Variants in SH3RF1 observed in about 807,000 individuals in gnomAD.
SH3RF1 encodes SH3 domain containing ring finger 1.
In SH3RF1, 32 loss-of-function variants were observed where a neutral mutation model predicts 74.0. That is an observed-to-expected ratio of 0.43 (90% CI 0.33 to 0.58). SH3RF1 has a LOEUF of 0.58. Ranked by LOEUF, SH3RF1 falls within the 20% of genes least tolerant of loss-of-function variation. The pLI is 0.05. For missense variants in SH3RF1, 954 were observed against 1,130.9 expected (o/e 0.84, Z 2.24); for synonymous variants, 396 against 439.6 (o/e 0.90, Z 1.24).
chr4:169,209,947 A>G (rs745707077), intron 2 of SH3RF1, among the ~76,000 whole-genome samples: 13 of 151,458 alleles, frequency 8.6e-5, no homozygotes, highest in Non-Finnish European at 1.9e-4. Context: ...GCATCACCAC[A>G]CCCAGTTAAT....
Position 169,154,850 on chromosome 4 carries a change from C to A in SH3RF1, c.765+630G>T, listed in dbSNP as rs567092675. ...AATGAAAATCTACTATGAATTGTAA[C>A]TCCTTTATGTTCAGCTTGTATTATT... On this transcript the variant is annotated intron_variant, in intron 4 of 11. Transcript: ENST00000284637. Among the ~76,000 whole-genome samples the A allele has an allele frequency of 7.9e-5, 12 of 152,262 alleles. No individual in the cohort carries two copies. The South Asian group carries it at 2.3e-3, about 29-fold the overall frequency.
intron 2 of SH3RF1, chr4:169,167,039 C>A: frequency 4.6e-6 from 1 of 215,724 alleles, no homozygotes; most frequent in South Asian, 8.2e-5. Context: ...AAATCAAAGC[C>A]ATTCCTCAGC....
intron 2 of SH3RF1, chr4:169,217,353 G>C (rs9790493): frequency 0.2 from 29,841 of 152,156 alleles, 3,154 homozygotes; most frequent in Non-Finnish European, 0.25. Context: ...CCAACGAGCA[G>C]AACACCAAAG....
intron 2 of SH3RF1, among the ~76,000 whole-genome samples, chr4:169,174,650 C>A (rs1203657170): frequency 1.3e-5 from 2 of 152,124 alleles, no homozygotes; most frequent in African/African-American, 4.8e-5. Context: ...TCATCTATTT[C>A]CTTCTTTTAA....
intron 2 of SH3RF1, among the ~76,000 whole-genome samples, chr4:169,159,401 AAG>A (rs1228667757): frequency 1.3e-5 from 2 of 152,186 alleles, no homozygotes; most frequent in Non-Finnish European, 2.9e-5. Context: ...GAGAGAGAGA[AAG>A]AGAGAGAACT....
rs1364402042 is a variant in SH3RF1, at chr4:169,155,594, A to G, written c.670-19T>C. Reference sequence around the variant, plus strand: ...CATCATCCTGAAGAAACAGCAAATCATTAATCTACCTGATCATTAAGCTGT... The same window carrying G: ...CATCATCCTGAAGAAACAGCAAATCGTTAATCTACCTGATCATTAAGCTGT... On this transcript the variant is annotated intron_variant, in intron 3 of 11. Transcript: ENST00000284637. 2 of 1,545,708 alleles carry G rather than the reference A, an allele frequency of 1.3e-6. No homozygotes were observed. Among genetic ancestry groups the G allele is most frequent in the African/African-American group, 1.4e-5 (1 of 73,546 alleles).
chr4:169,141,064 C>T (rs928734872), intron 4 of SH3RF1, among the ~76,000 whole-genome samples: 2 of 150,834 alleles, frequency 1.3e-5, no homozygotes, highest in African/African-American at 4.9e-5. Context: ...ATTCTTCTTC[C>T]AATGTGATCC....
At position 169,130,038 on chromosome 4, in the gene SH3RF1, A is replaced by G; in HGVS notation, c.1179+8T>C. The G allele has an allele frequency of 6.2e-7, 1 of 1,609,082 alleles. No individual in the cohort carries two copies. The highest frequency in any genetic ancestry group is 8.5e-7 in the Non-Finnish European group (1 of 1,176,016). ...AAGAGAAATAAAAATGGGAGAAACT[A>G]TACTCACTCCAAGGGCAGCTTGGTA... On this transcript the variant is annotated splice_region_variant and intron_variant, in intron 6 of 11. Coordinates refer to ENST00000284637, the MANE Select transcript of SH3RF1 (RefSeq NM_020870.4).
At chr4:169,232,132 G>A (rs1340375858) in intron 2 of SH3RF1, among the ~76,000 whole-genome samples, 3 of 152,210 alleles carry the variant, frequency 2.0e-5, no homozygotes, top group African/African-American at 7.2e-5. Flanking sequence ...GATGGCCAGT[G>A]TGGCCAGTAC....
At chr4:169,107,636 C>A (rs1733168468) in intron 10 of SH3RF1, among the ~76,000 whole-genome samples, 1 of 152,158 alleles carries the variant, frequency 6.6e-6, no homozygotes, top group Non-Finnish European at 1.5e-5. Flanking sequence ...ATTTAATTTC[C>A]TGAACTTCTG....
intron 4 of SH3RF1, among the ~76,000 whole-genome samples, chr4:169,153,450 G>T (rs1392144868): frequency 6.6e-6 from 1 of 152,120 alleles, no homozygotes; most frequent in Non-Finnish European, 1.5e-5. Flanking sequence ...CCTGAAGTGG[G>T]GCAAATATGA....
At chr4:169,215,736 A>G (rs952881165) in intron 2 of SH3RF1, among the ~76,000 whole-genome samples, 1 of 151,766 alleles carries the variant, frequency 6.6e-6, no homozygotes, top group Non-Finnish European at 1.5e-5. Context: ...AATATGTGGG[A>G]TACTAATTTG....
At chr4:169,252,662 A>T (rs576769431) in intron 2 of SH3RF1, among the ~76,000 whole-genome samples, 9 of 152,342 alleles carry the variant, frequency 5.9e-5, no homozygotes, top group Non-Finnish European at 8.8e-5. Context: ...TTTTTGGCTT[A>T]ATATCCCAGT....
At chr4:169,214,012 T>C (rs1052962334) in intron 2 of SH3RF1, among the ~76,000 whole-genome samples, 7 of 152,228 alleles carry the variant, frequency 4.6e-5, no homozygotes, top group Non-Finnish European at 1.0e-4. Flanking sequence ...TGCCTCTTCA[T>C]ATAAACTTCA....
chr4:169,169,326 G>A (rs1364079193), intron 2 of SH3RF1, among the ~76,000 whole-genome samples: 1 of 152,208 alleles, frequency 6.6e-6, no homozygotes, highest in Non-Finnish European at 1.5e-5. Context: ...ACTGGGTGCA[G>A]CAGCTCACAC....
At position 169,107,199 on chromosome 4, in the gene SH3RF1, T is replaced by A; in HGVS notation, c.2146A>T (p.Lys716Ter). The stretch of plus-strand genomic sequence containing the variant: ...GAAAGCAACTTCAACAAACCCTTTT[T>A]TTCTTTCTGGAAAAAAAAAATAATG... ...TKPDKDSKKE[K>*]KGLLKLLSGA... The change falls in exon 11 of 12, where the codon AAA becomes TAA. Residue 716 changes from lysine to a stop codon, truncating the protein, a stop_gained. Coordinates refer to ENST00000284637, the MANE Select transcript of SH3RF1 (RefSeq NM_020870.4). LOFTEE classifies it high-confidence loss of function. 1 of 1,537,400 alleles carries A rather than the reference T, an allele frequency of 6.5e-7. No individual in the cohort carries two copies. Among genetic ancestry groups the A allele is most frequent in the South Asian group, 1.2e-5 (1 of 80,768 alleles).
At chr4:169,123,667 G>A (rs545708924) in intron 6 of SH3RF1, among the ~76,000 whole-genome samples, 8 of 152,248 alleles carry the variant, frequency 5.3e-5, no homozygotes, top group African/African-American at 1.2e-4. Flanking sequence ...TGAGGCGGGC[G>A]GATCACGAGG....
intron 11 of SH3RF1, among the ~76,000 whole-genome samples, chr4:169,105,632 G>A (rs779561092): frequency 2.6e-5 from 4 of 152,218 alleles, no homozygotes; most frequent in Admixed American, 6.5e-5. Context: ...CGTGGCTCAC[G>A]CCTGTAATCG....
intron 2 of SH3RF1, among the ~76,000 whole-genome samples, chr4:169,259,537 C>T (rs978452605): frequency 6.6e-6 from 1 of 152,128 alleles, no homozygotes; most frequent in African/African-American, 2.4e-5. Context: ...AAAAGGATTG[C>T]AGAGCCACGA....
Sources: allele counts gnomAD v4.1 joint callset (sites outside exome capture counted in the v4.1 genomes callset), GRCh38; gene constraint gnomAD v4.1.1; transcripts MANE v1.5; gene names NCBI Gene and HGNC (gene_info 2026-07-23, HGNC 2026-07-21).